The following EPHA6 variants were observed in gnomAD, a reference collection of about 807,000 sequenced individuals.
EPHA6 encodes the protein ephrin type-A receptor 6.
Under a neutral mutation model 112.0 loss-of-function variants are expected in EPHA6, and 50 were observed. The observed-to-expected ratio is 0.45, with a 90% confidence interval of 0.36 to 0.56. EPHA6 has a LOEUF of 0.56. Among genes scored for constraint, EPHA6 ranks in the 20% least tolerant of loss-of-function variants. The pLI, the probability that EPHA6 is intolerant of heterozygous loss-of-function variation, is 0.00. For missense variants in EPHA6, 1,280 were observed against 1,417.4 expected, an observed-to-expected ratio of 0.90 and a Z score of 1.56; for synonymous variants, 529 against 490.7, an observed-to-expected ratio of 1.08 and a Z score of -1.03.
At chr3:96,965,313 TCTTA>T (rs2042085371) in intron 2 of EPHA6, among the ~76,000 whole-genome samples, 1 of 152,154 alleles carries the variant, frequency 6.6e-6, no homozygotes, top group African/African-American at 2.4e-5. Flanking sequence ...GTATAAGGCT[TCTTA>T]CTTACCTACC....
chr3:96,942,744 G>A lies in EPHA6; in HGVS notation c.451-44586G>A, dbSNP rs549759489. ...CTGTAGACCGGAGCTGTTCCTATTCGGCCATCTTGGCTCCCGCTGCTCTTG... is the reference window on the plus strand; with the variant it reads ...CTGTAGACCGGAGCTGTTCCTATTCAGCCATCTTGGCTCCCGCTGCTCTTG... On this transcript the variant is annotated intron_variant, in intron 2 of 17. Transcript: ENST00000389672. 7.9e-5 allele frequency among the ~76,000 whole-genome samples: 12 copies of A among 152,250 alleles called. No homozygotes were observed. In the East Asian group the frequency reaches 1.7e-3, roughly 22 times the overall value.
At chr3:97,306,767 C>T (rs1204123656) in intron 5 of EPHA6, among the ~76,000 whole-genome samples, 1 of 151,778 alleles carries the variant, frequency 6.6e-6, no homozygotes, top group Non-Finnish European at 1.5e-5. Context: ...CATTAATATC[C>T]TGAGCTCTAG....
intron 2 of EPHA6, among the ~76,000 whole-genome samples, chr3:96,961,665 C>T (rs2041952911): frequency 6.6e-6 from 1 of 152,108 alleles, no homozygotes; most frequent in African/African-American, 2.4e-5. Context: ...CTTCAGTTTA[C>T]TACAGGTAAG....
At chr3:97,663,802 T>C (rs2094186781) in intron 14 of EPHA6, among the ~76,000 whole-genome samples, 1 of 152,184 alleles carries the variant, frequency 6.6e-6, no homozygotes, top group Admixed American at 6.5e-5. Flanking sequence ...TATACGTGTG[T>C]ATGTGTCTTT....
At chr3:97,080,622 A>T (rs1315895037) in intron 3 of EPHA6, among the ~76,000 whole-genome samples, 1 of 152,116 alleles carries the variant, frequency 6.6e-6, no homozygotes, top group Non-Finnish European at 1.5e-5. Flanking sequence ...AAACTACAAA[A>T]AAAGCAGCTT....
chr3:96,967,940 G>T (rs1007181689), intron 2 of EPHA6, among the ~76,000 whole-genome samples: 1 of 151,716 alleles, frequency 6.6e-6, no homozygotes, highest in Non-Finnish European at 1.5e-5. Context: ...AGCAATTATT[G>T]TTTGACAATT....
At chr3:96,938,894 A>G (rs1330125645) in intron 2 of EPHA6, among the ~76,000 whole-genome samples, 2 of 152,208 alleles carry the variant, frequency 1.3e-5, no homozygotes, top group Non-Finnish European at 2.9e-5. Flanking sequence ...TTCTGTTTAC[A>G]TGCTGGATTA....
At chr3:97,023,771 G>A (rs2044544079) in intron 3 of EPHA6, among the ~76,000 whole-genome samples, 1 of 151,904 alleles carries the variant, frequency 6.6e-6, no homozygotes, top group Non-Finnish European at 1.5e-5. Flanking sequence ...CTGCTGAAGA[G>A]TTGTAAAATT....
At chr3:97,041,990 G>A (rs1229796031) in intron 3 of EPHA6, among the ~76,000 whole-genome samples, 3 of 152,070 alleles carry the variant, frequency 2.0e-5, no homozygotes, top group Non-Finnish European at 1.5e-5. Context: ...TGATACCTCA[G>A]TGAGACAAAC....
intron 11 of EPHA6, among the ~76,000 whole-genome samples, chr3:97,553,096 A>C (rs2093051623): frequency 6.6e-6 from 1 of 152,122 alleles, no homozygotes; most frequent in Admixed American, 6.6e-5. Context: ...CAGCCGGATT[A>C]ATCTTTATAC....
chr3:96,873,208 GA>G (rs1384138033), intron 2 of EPHA6, among the ~76,000 whole-genome samples: 1 of 151,642 alleles, frequency 6.6e-6, no homozygotes, highest in African/African-American at 2.4e-5. Flanking sequence ...AGGTTGCAGT[GA>G]GCCAAGATCA....
At chr3:97,680,957 T>C (rs1347924062) in intron 14 of EPHA6, among the ~76,000 whole-genome samples, 3 of 151,940 alleles carry the variant, frequency 2.0e-5, no homozygotes, top group Admixed American at 2.0e-4. Flanking sequence ...CACACAAGCA[T>C]AGGAAAATAT....
chr3:97,258,708 G>A (rs922853855), intron 5 of EPHA6, among the ~76,000 whole-genome samples: 1 of 152,050 alleles, frequency 6.6e-6, no homozygotes, highest in Non-Finnish European at 1.5e-5. Context: ...TCAACTCTGT[G>A]TTCTAGTCCC....
rs1246439414 is a variant in EPHA6, at chr3:97,129,496, AAAAAACAAAAAC to A, written c.1115-96758_1115-96747del. Among the ~76,000 whole-genome samples, 6 of 151,488 alleles carry A rather than the reference AAAAAACAAAAAC, an allele frequency of 4.0e-5. No individual in the cohort carries two copies. In the South Asian group the frequency reaches 1.2e-3, roughly 31 times the overall value. ...CAGCCTGGGCGACAGACTTCGTCTC[AAAAAACAAAAAC>A]AAAAACAAACAAAAAAAAAAACAAC... On this transcript the variant is annotated intron_variant, in intron 3 of 17. Coordinates refer to ENST00000389672, the MANE Select transcript of EPHA6 (RefSeq NM_001080448.3).
intron 12 of EPHA6, among the ~76,000 whole-genome samples, chr3:97,602,003 G>C (rs1378376163): frequency 2.0e-5 from 3 of 151,952 alleles, no homozygotes; most frequent in African/African-American, 7.2e-5. Context: ...AAAATATGAT[G>C]CTTTCTACCA....
rs552829375 is a variant in EPHA6 at position 97,033,886 on chromosome 3, A to T, written c.1114+45893A>T. On this transcript the variant is annotated intron_variant, in intron 3 of 17. Transcript: ENST00000389672. ...TCAAGTAATGAAAACTTGATATAGA[A>T]AAGGATACATCAGGCCGTTGTGGTT... 9.3e-4 allele frequency among the ~76,000 whole-genome samples: 141 copies of T among 152,104 alleles called. 1 individual carries two copies. The highest frequency in any genetic ancestry group is 3.3e-3 in the African/African-American group (138 of 41,546).
At chr3:97,310,808 CTGTT>C (rs1329552896) in intron 5 of EPHA6, among the ~76,000 whole-genome samples, 1 of 151,716 alleles carries the variant, frequency 6.6e-6, no homozygotes, top group Admixed American at 6.6e-5. Context: ...TAAATATTAA[CTGTT>C]TGTTATTCCT....
chr3:97,584,571 G>A (rs1575970351), intron 11 of EPHA6, among the ~76,000 whole-genome samples: 3 of 152,130 alleles, frequency 2.0e-5, no homozygotes, highest in South Asian at 4.1e-4. Flanking sequence ...CACAAATATT[G>A]CCACTATGAT....
chr3:96,917,418 C>CAAAAAAA (rs5851049), intron 2 of EPHA6, among the ~76,000 whole-genome samples: 45 of 58,064 alleles, frequency 7.8e-4, no homozygotes, highest in African/African-American at 2.6e-3. Flanking sequence ...GACTCCATCT[C>CAAAAAAA]AAAAAAAAAA....
Sources: gnomAD v4.1 joint callset for allele counts (sites outside exome capture counted in the v4.1 genomes callset) on GRCh38, gnomAD v4.1.1 for gene constraint, MANE v1.5 for transcripts, NCBI Gene and HGNC (gene_info 2026-07-23, HGNC 2026-07-21) for gene names.